The following PCDHGA3 variants were observed in gnomAD, a reference collection of about 807,000 sequenced individuals.
The protein encoded by PCDHGA3 is protocadherin gamma subfamily A, 3, also known as protocadherin gamma-A3.
PCDHGA3 carries 40 observed loss-of-function variants against 58.5 expected under a neutral mutation model. That is an observed-to-expected ratio of 0.68 (90% CI 0.53 to 0.89). PCDHGA3 has a LOEUF of 0.89. Among genes scored for constraint, PCDHGA3 ranks in the 40% least tolerant of loss-of-function variants. The pLI is 0.00. For synonymous variants in PCDHGA3, 530 were observed against 525.7 expected, an observed-to-expected ratio of 1.01 and a Z score of -0.11; for missense variants, 1,223 against 1,195.9, an observed-to-expected ratio of 1.02 and a Z score of -0.33.
At chr5:141,434,136 TC>T (rs2097674430) in intron 1 of PCDHGA3, among the ~76,000 whole-genome samples, 1 of 152,246 alleles carries the variant, frequency 6.6e-6, no homozygotes, top group Non-Finnish European at 1.5e-5. Context: ...TAGGCTGATT[TC>T]TATGTCCTTT....
In PCDHGA3 at chr5:141,344,205, G is replaced by C; in HGVS notation, c.172G>C (p.Glu58Gln). 6.2e-7 allele frequency: 1 copy of C among 1,614,036 alleles called. No individual in the cohort carries two copies. Among genetic ancestry groups the C allele is most frequent in the Non-Finnish European group, 8.5e-7 (1 of 1,179,906 alleles). Residue 58 changes from glutamate (E) to glutamine (Q), a missense_variant, in exon 1 of 4, where the codon GAG becomes CAG. Physicochemically the swap from Glu to Gln is conservative, Grantham distance 29. Around this residue, in one of 3 missense-constraint regions of PCDHGA3, gnomAD observed 791 missense variants for 708.5 expected, o/e 1.12. Coordinates refer to ENST00000253812, the MANE Select transcript of PCDHGA3 (RefSeq NM_018916.4). ...IANDLGLEPR[E>Q]LAERGVRIVS... Reference sequence around the variant, plus strand: ...TAACGACCTGGGGCTAGAGCCCCGGGAGCTGGCGGAGCGCGGAGTCCGCAT... The same window carrying C: ...TAACGACCTGGGGCTAGAGCCCCGGCAGCTGGCGGAGCGCGGAGTCCGCAT...
intron 1 of PCDHGA3, chr5:141,352,334 T>A: frequency 6.2e-7 from 1 of 1,614,084 alleles, no homozygotes; most frequent in Non-Finnish European, 8.5e-7. Flanking sequence ...GGTTGTGGCC[T>A]TGGCCTTGAT....
intron 1 of PCDHGA3, among the ~76,000 whole-genome samples, chr5:141,468,890 G>A (rs2099184679): frequency 6.6e-6 from 1 of 151,592 alleles, no homozygotes; most frequent in African/African-American, 2.4e-5. Flanking sequence ...TAATAATAAG[G>A]TACTAATATG....
chr5:141,422,873 T>C (rs1474438774), intron 1 of PCDHGA3: 1 of 1,614,158 alleles, frequency 6.2e-7, no homozygotes, highest in Admixed American at 1.7e-5. Flanking sequence ...AACGTGTCGC[T>C]GAGCCTGTTC....
intron 1 of PCDHGA3, among the ~76,000 whole-genome samples, chr5:141,459,747 A>G (rs553965181): frequency 3.2e-4 from 48 of 152,318 alleles, no homozygotes; most frequent in African/African-American, 1.1e-3. Flanking sequence ...AATTTTAGCA[A>G]TTCTAGTGGG....
intron 1 of PCDHGA3, chr5:141,391,245 G>A (rs1324945676): frequency 6.6e-6 from 1 of 151,892 alleles, no homozygotes; most frequent in African/African-American, 2.4e-5. Flanking sequence ...GTATATCTAA[G>A]CAACTGCTTC....
rs554375300 is a variant in PCDHGA3 at position 141,361,649 on chromosome 5, T to C, written c.2424+15192T>C. The stretch of plus-strand genomic sequence containing the variant: ...AAGCCGCGGGAGATTTTATCCTACG[T>C]GTCCGTGAGCGCGCAGAGCGGGGTG... On this transcript the variant is annotated intron_variant, in intron 1 of 3. Transcript: ENST00000253812. 3.7e-6 allele frequency: 6 copies of C among 1,613,772 alleles called. No individual in the cohort carries two copies. The East Asian group carries it at 1.3e-4, about 36-fold the overall frequency.
At chr5:141,355,920 C>T (rs1760043730) in intron 1 of PCDHGA3, 1 of 1,613,790 alleles carries the variant, frequency 6.2e-7, no homozygotes, top group Non-Finnish European at 8.5e-7. Context: ...ATAATGCTCC[C>T]GTGTTCACTC....
At chr5:141,455,911 ATTTT>A (rs1404284843) in intron 1 of PCDHGA3, among the ~76,000 whole-genome samples, 2 of 114,614 alleles carry the variant, frequency 1.7e-5, no homozygotes, top group African/African-American at 3.3e-5. Context: ...TTATTTATTT[ATTTT>A]GAGACGGAGT....
chr5:141,366,636 T>A lies in PCDHGA3; in HGVS notation c.2424+20179T>A, dbSNP rs374724936. On this transcript the variant is annotated intron_variant, in intron 1 of 3. Coordinates refer to ENST00000253812, the MANE Select transcript of PCDHGA3 (RefSeq NM_018916.4). The stretch of plus-strand genomic sequence containing the variant: ...GCGGACTCGAGGAAGAGTCACCTGA[T>A]CTTTCCCCAGCCCAACTACGCAGAC... 1.5e-5 allele frequency: 24 copies of A among 1,614,122 alleles called. No homozygotes were observed. In the African/African-American group the frequency reaches 2.7e-4, roughly 18 times the overall value.
intron 1 of PCDHGA3, chr5:141,360,463 G>A (rs1405122386): frequency 6.2e-7 from 1 of 1,613,904 alleles, no homozygotes; most frequent in South Asian, 1.1e-5. Flanking sequence ...CGATACTGTC[G>A]CTGAAAATCC....
At chr5:141,359,668 C>T (rs979057333) in intron 1 of PCDHGA3, among the ~76,000 whole-genome samples, 3 of 151,898 alleles carry the variant, frequency 2.0e-5, no homozygotes, top group Non-Finnish European at 4.4e-5. Context: ...TATAAAAATC[C>T]GTTGCCCTAT....
chr5:141,423,624 T>A (rs756883871), intron 1 of PCDHGA3: 9 of 1,607,038 alleles, frequency 5.6e-6, no homozygotes, highest in African/African-American at 1.3e-5. Flanking sequence ...AAGACTCAGC[T>A]ATCATTTTAG....
chr5:141,375,184 C>A (rs757225197), intron 1 of PCDHGA3: 23 of 1,613,856 alleles, frequency 1.4e-5, no homozygotes, highest in Middle Eastern at 1.6e-4. Context: ...CAGTAATCGC[C>A]CTTTTTCAAG....
In PCDHGA3 at chr5:141,477,967, C is replaced by T. The variant is rs756216038; in HGVS notation, c.2425-16840C>T. Reference sequence around the variant, plus strand: ...GTCTCTTGGGATCCCCTAACCAGAGCCTTTTTGCCATAGGGCTGCACACTG... The same window carrying T: ...GTCTCTTGGGATCCCCTAACCAGAGTCTTTTTGCCATAGGGCTGCACACTG... On this transcript the variant is annotated intron_variant, in intron 1 of 3. Coordinates refer to ENST00000253812, the MANE Select transcript of PCDHGA3 (RefSeq NM_018916.4). This position sits in a 1 kb window ranked among gnomAD's most constrained non-coding sequence, Gnocchi z 4.9. The T allele has an allele frequency of 8.7e-6, 14 of 1,614,032 alleles. No individual in the cohort carries two copies. In the South Asian group the frequency reaches 1.2e-4, roughly 14 times the overall value.
chr5:141,434,621 G>A (rs980508411), intron 1 of PCDHGA3, among the ~76,000 whole-genome samples: 1 of 151,966 alleles, frequency 6.6e-6, no homozygotes, highest in Non-Finnish European at 1.5e-5. Flanking sequence ...CCATCTCTTC[G>A]TTTCCCATAA....
chr5:141,442,131 A>T, intron 1 of PCDHGA3: 1 of 165,118 alleles, frequency 6.1e-6, no homozygotes, highest in Non-Finnish European at 1.3e-5. Context: ...GACAGCCTGC[A>T]GGAGACTCTG....
chr5:141,408,384 T>C, intron 1 of PCDHGA3: 2 of 1,614,014 alleles, frequency 1.2e-6, no homozygotes, highest in Non-Finnish European at 1.7e-6. Flanking sequence ...GTCCTGGATG[T>C]GTCGGCTCGC....
intron 1 of PCDHGA3, chr5:141,424,522 T>C (rs2096826398): frequency 6.6e-6 from 1 of 152,212 alleles, no homozygotes; most frequent in South Asian, 2.1e-4. Flanking sequence ...ATGTAGTAAA[T>C]CCATATATAG....
Sources: gnomAD v4.1 joint callset for allele counts (sites outside exome capture counted in the v4.1 genomes callset) on GRCh38, gnomAD v4.1.1 for gene constraint, gnomAD v4.1.1 regional missense constraint, Gnocchi (gnomAD v3.1) non-coding constraint, MANE v1.5 for transcripts, NCBI Gene and HGNC (gene_info 2026-07-23, HGNC 2026-07-21) for gene names.